WDR70: variants seen among roughly 807,000 people sequenced by gnomAD.
WDR70 encodes the protein WD repeat domain 70.
WDR70 carries 53 observed loss-of-function variants against 88.6 expected under a neutral mutation model. That is an observed-to-expected ratio of 0.60 (90% CI 0.48 to 0.75). The LOEUF is 0.75. Among genes scored for constraint, WDR70 ranks in the 30% least tolerant of loss-of-function variants. WDR70 has a pLI of 0.00. For synonymous variants in WDR70, 280 were observed against 270.0 expected, an observed-to-expected ratio of 1.04 and a Z score of -0.36; for missense variants, 610 against 823.2, an observed-to-expected ratio of 0.74 and a Z score of 3.17.
chr5:37,491,997 G>A (rs1287140711), intron 8 of WDR70, among the ~76,000 whole-genome samples: 1 of 152,098 alleles, frequency 6.6e-6, no homozygotes, highest in Admixed American at 6.5e-5. Flanking sequence ...ACAACAAGAT[G>A]TTCCAGGGTC....
Position 37,611,794 on chromosome 5 carries a change from T to A in WDR70, c.1092+6556T>A, listed in dbSNP as rs1360861229. The stretch of plus-strand genomic sequence containing the variant: ...TTTGATTTCAGCCTTTTTTTTTTTT[T>A]TTAAAAAAAAACTTCTTTGACATAC... On this transcript the variant is annotated intron_variant, in intron 10 of 17. Transcript: ENST00000265107. Among the ~76,000 whole-genome samples the A allele has an allele frequency of 4.8e-3, 616 of 127,262 alleles. 1 individual carries two copies. Among genetic ancestry groups the A allele is most frequent in the Middle Eastern group, 0.015 (3 of 206 alleles). 83.5% of individuals were successfully genotyped at this position (127,262 alleles called of 152,430 possible).
At chr5:37,503,675 T>A (rs1740469644) in intron 8 of WDR70, among the ~76,000 whole-genome samples, 1 of 152,238 alleles carries the variant, frequency 6.6e-6, no homozygotes, top group Non-Finnish European at 1.5e-5. Flanking sequence ...TTGGAATAGT[T>A]TCAGTAGGAT....
At chr5:37,604,889 A>G (rs1743985304) in intron 9 of WDR70, among the ~76,000 whole-genome samples, 175 bp from the exon 10 acceptor site, 1 of 152,098 alleles carries the variant, frequency 6.6e-6, no homozygotes, top group Non-Finnish European at 1.5e-5. Flanking sequence ...TCCATGAGTA[A>G]CCTCATTTAT....
At chr5:37,689,434 G>A (rs1746715706) in intron 10 of WDR70, among the ~76,000 whole-genome samples, 1 of 152,192 alleles carries the variant, frequency 6.6e-6, no homozygotes, top group African/African-American at 2.4e-5. Flanking sequence ...CCTCCCAGTA[G>A]GGGCCGACAG....
chr5:37,415,907 A>G (rs1372800939), intron 5 of WDR70, among the ~76,000 whole-genome samples: 1 of 146,408 alleles, frequency 6.8e-6, no homozygotes, highest in African/African-American at 2.6e-5. Context: ...CACATCTCAG[A>G]CGATGGGCCG....
At chr5:37,399,378 A>G (rs1331093926) in intron 5 of WDR70, among the ~76,000 whole-genome samples, 2 of 152,314 alleles carry the variant, frequency 1.3e-5, no homozygotes, top group East Asian at 3.9e-4. Context: ...TCAAGATTGC[A>G]CCACTGCACT....
intron 10 of WDR70, among the ~76,000 whole-genome samples, chr5:37,673,511 C>A (rs1208217653): frequency 6.6e-6 from 1 of 151,986 alleles, no homozygotes; most frequent in Non-Finnish European, 1.5e-5. Context: ...AATTTACACT[C>A]CCACCAACAG....
At chr5:37,677,489 T>G (rs1260356099) in intron 10 of WDR70, among the ~76,000 whole-genome samples, 1 of 152,232 alleles carries the variant, frequency 6.6e-6, no homozygotes, top group African/African-American at 2.4e-5. Flanking sequence ...CGTTTCGTTA[T>G]GTACCCAGTA....
intron 10 of WDR70, among the ~76,000 whole-genome samples, chr5:37,666,014 C>T (rs56003317): frequency 0.049 from 7,482 of 152,228 alleles, 226 homozygotes; most frequent in Middle Eastern, 0.13. Flanking sequence ...CCCAGCTGCC[C>T]GGGAAGCTTG....
At chr5:37,451,185 A>G (rs1363864084) in intron 7 of WDR70, among the ~76,000 whole-genome samples, 4 of 152,196 alleles carry the variant, frequency 2.6e-5, no homozygotes, top group Admixed American at 1.3e-4. Flanking sequence ...GACGTGAGCC[A>G]TTGCCTCTGG....
intron 9 of WDR70, among the ~76,000 whole-genome samples, chr5:37,564,254 G>A (rs1188851419): frequency 6.6e-6 from 1 of 152,148 alleles, no homozygotes; most frequent in African/African-American, 2.4e-5. Flanking sequence ...CTGAGTGAAC[G>A]CGACTCCGTC....
intron 8 of WDR70, among the ~76,000 whole-genome samples, chr5:37,481,548 G>A (rs1285126936): frequency 6.6e-6 from 1 of 152,026 alleles, no homozygotes; most frequent in East Asian, 1.9e-4. Context: ...GAGCAGCTGG[G>A]ATGTAGGGCA....
At chr5:37,433,446 ACT>A (rs1482406152) in intron 5 of WDR70, among the ~76,000 whole-genome samples, 1 of 151,670 alleles carries the variant, frequency 6.6e-6, no homozygotes, top group African/African-American at 2.4e-5. Flanking sequence ...CTGATTTGGA[ACT>A]CTCTCTCTGG....
chr5:37,674,681 C>T (rs1260633279), intron 10 of WDR70, among the ~76,000 whole-genome samples: 3 of 152,152 alleles, frequency 2.0e-5, no homozygotes, highest in South Asian at 4.1e-4. Context: ...TGAATAGTCC[C>T]GCAATAAACA....
chr5:37,600,798 T>C (rs940513099), intron 9 of WDR70, among the ~76,000 whole-genome samples: 15 of 120,286 alleles, frequency 1.2e-4, no homozygotes, highest in African/African-American at 3.6e-4. Flanking sequence ...ATATTACAGG[T>C]ACAAATGTAA....
intron 9 of WDR70, among the ~76,000 whole-genome samples, chr5:37,525,393 G>A (rs1037559808): frequency 9.2e-5 from 14 of 152,268 alleles, no homozygotes; most frequent in East Asian, 1.9e-4. Context: ...GGTACATAAC[G>A]AAATGAAGGC....
intron 9 of WDR70, among the ~76,000 whole-genome samples, chr5:37,580,912 G>A (rs1743199204): frequency 6.6e-6 from 1 of 152,156 alleles, no homozygotes; most frequent in Non-Finnish European, 1.5e-5. Flanking sequence ...AACAATAAAT[G>A]TAATACAACA....
Position 37,495,286 on chromosome 5 carries a change from C to T in WDR70, c.840+15299C>T, listed in dbSNP as rs72738741. Among the ~76,000 whole-genome samples, 131 of 152,238 alleles carry T rather than the reference C, an allele frequency of 8.6e-4. 1 individual carries two copies. The highest frequency in any genetic ancestry group is 1.5e-3 in the Non-Finnish European group (102 of 68,028). On this transcript the variant is annotated intron_variant, in intron 8 of 17. Coordinates refer to ENST00000265107, the MANE Select transcript of WDR70 (RefSeq NM_018034.4). Reference sequence around the variant, plus strand: ...TACTATTTTCTGCTGCATTTCGTCTCTTCTTGGGGGTAGGCTTTGTTAGCT... The same window carrying T: ...TACTATTTTCTGCTGCATTTCGTCTTTTCTTGGGGGTAGGCTTTGTTAGCT...
chr5:37,483,955 C>T lies in WDR70; in HGVS notation c.840+3968C>T, dbSNP rs534336788. 6.2e-3 allele frequency among the ~76,000 whole-genome samples: 928 copies of T among 150,440 alleles called. 6 individuals carry two copies. Among genetic ancestry groups the T allele is most frequent in the African/African-American group, 0.021 (857 of 40,806 alleles). On this transcript the variant is annotated intron_variant, in intron 8 of 17. Coordinates refer to ENST00000265107, the MANE Select transcript of WDR70 (RefSeq NM_018034.4). ...GCAGAGGCGCTCCTCACATCCCAGA[C>T]GGGGCGGCGGGGCAGAGGCGCTCCC...
Sources: gnomAD v4.1 joint callset for allele counts (sites outside exome capture counted in the v4.1 genomes callset) on GRCh38, gnomAD v4.1.1 for gene constraint, MANE v1.5 for transcripts, NCBI Gene and HGNC (gene_info 2026-07-23, HGNC 2026-07-21) for gene names.